Variants in SKA2 observed in about 807,000 individuals in gnomAD.
The protein encoded by SKA2 is spindle and kinetochore-associated protein 2.
A neutral mutation model predicts 16.9 loss-of-function variants in SKA2; 13 were observed. That is an observed-to-expected ratio of 0.77 (90% CI 0.50 to 1.22). The LOEUF (loss-of-function observed/expected upper bound fraction) is 1.22, where lower values mean the gene tolerates loss of function less well. SKA2 is among the 50% of genes most tolerant of loss of function. The pLI is 0.00. For synonymous variants in SKA2, 47 were observed against 48.5 expected, an observed-to-expected ratio of 0.97 and a Z score of 0.13; for missense variants, 107 against 139.7, an observed-to-expected ratio of 0.77 and a Z score of 1.18.
rs2046319404 is a variant in SKA2, at chr17:59,119,569, C to A, written c.121-74G>T. On this transcript the variant is annotated intron_variant, in intron 2 of 3. Coordinates refer to ENST00000330137, the MANE Select transcript of SKA2 (RefSeq NM_182620.4). ...TTTTTAAGAATTAAAATACTGTATA[C>A]ATACAACACATTCTACCATCCATTT... is the stretch of plus-strand genomic sequence containing the variant. 9 of 1,277,172 alleles carry A rather than the reference C, an allele frequency of 7.0e-6. 1 individual carries two copies. The highest frequency in any genetic ancestry group is 2.2e-4 in the Middle Eastern group (1 of 4,550). 79.1% of individuals were successfully genotyped at this position (1,277,172 alleles called of 1,614,324 possible).
At chr17:59,151,965 G>C (rs1392257307) in intron 1 of SKA2, among the ~76,000 whole-genome samples, 1 of 152,140 alleles carries the variant, frequency 6.6e-6, no homozygotes, top group East Asian at 1.9e-4. Flanking sequence ...ATGTCAAAGA[G>C]AAAATAATGA....
chr17:59,134,075 T>A (rs1050460552), intron 1 of SKA2, among the ~76,000 whole-genome samples: 11 of 152,234 alleles, frequency 7.2e-5, no homozygotes, highest in African/African-American at 2.7e-4. Flanking sequence ...ATACTAATGT[T>A]TGTGTCTGTG....
At chr17:59,132,494 T>TA (rs2046418294) in intron 1 of SKA2, among the ~76,000 whole-genome samples, 3 of 152,268 alleles carry the variant, frequency 2.0e-5, no homozygotes, top group Admixed American at 2.0e-4. Context: ...CAAAACCCCA[T>TA]CTCTACTAAA....
chr17:59,149,698 ATAC>A (rs2046562375), intron 1 of SKA2, among the ~76,000 whole-genome samples: 1 of 152,218 alleles, frequency 6.6e-6, no homozygotes, highest in African/African-American at 2.4e-5. Context: ...TATACAATGA[ATAC>A]TACTCAGCAA....
intron 3 of SKA2, among the ~76,000 whole-genome samples, chr17:59,114,679 A>G (rs1375937354): frequency 1.3e-5 from 2 of 152,234 alleles, no homozygotes; most frequent in African/African-American, 4.8e-5. Context: ...GGCCAATAGC[A>G]TCCACCAAAA....
At chr17:59,119,267 A>T in intron 3 of SKA2, 52 bp downstream of exon 3, 1 of 1,573,488 alleles carries the variant, frequency 6.4e-7, no homozygotes, top group Non-Finnish European at 8.6e-7. Context: ...TTTTCAAAGC[A>T]ACACTCAGAG....
In SKA2 at chr17:59,111,919, C is replaced by T; in HGVS notation, c.*358G>A. On this transcript the variant is annotated 3_prime_UTR_variant, in exon 4 of 4. Transcript: ENST00000330137. ...AATGACTGAAATGTACATAAACATT[C>T]TTTTATGATAGACCAGAACATCTAT... is the stretch of plus-strand genomic sequence containing the variant. The T allele has an allele frequency of 5.2e-6, 1 of 192,970 alleles. No homozygotes were observed. The highest frequency in any genetic ancestry group is 1.1e-5 in the Non-Finnish European group (1 of 88,732). 12.0% of individuals were successfully genotyped at this position (192,970 alleles called of 1,614,324 possible).
rs1443366889 is a variant in SKA2 at position 59,131,306 on chromosome 17, G to C, written c.95C>G (p.Thr32Ser). The C allele has an allele frequency of 3.8e-6, 6 of 1,582,080 alleles. No homozygotes were observed. The Admixed American group carries it at 1.1e-4, about 28-fold the overall frequency. Residue 32 changes from threonine to serine, a missense_variant, in exon 2 of 4, where the codon ACT becomes AGT. Thr to Ser is a moderately conservative substitution (Grantham distance 58). Transcript: ENST00000330137. ...CTCACTTGCTGAATCAGGATGATTA[G>C]TCTTGATTTCATATTCCAGCCTGTA... The part of the protein sequence containing the change: ...IQYRLEYEIK[T>S]NHPDSASEKN...
intron 1 of SKA2, among the ~76,000 whole-genome samples, chr17:59,143,011 C>A (rs2046504289): frequency 6.8e-6 from 1 of 147,200 alleles, no homozygotes; most frequent in South Asian, 2.2e-4. Flanking sequence ...GAAATCAAAA[C>A]AATCCTCCTG....
At chr17:59,137,051 T>G (rs926450794) in intron 1 of SKA2, among the ~76,000 whole-genome samples, 1 of 152,118 alleles carries the variant, frequency 6.6e-6, no homozygotes, top group East Asian at 1.9e-4. Context: ...CTTGCTTTGT[T>G]GCCCAGGCGA....
At chr17:59,146,855 G>A (rs2046536030) in intron 1 of SKA2, among the ~76,000 whole-genome samples, 1 of 152,170 alleles carries the variant, frequency 6.6e-6, no homozygotes, top group Non-Finnish European at 1.5e-5. Context: ...ATTTTTAGTA[G>A]AGACGAGGTC....
At chr17:59,118,292 C>T (rs2046310332) in intron 3 of SKA2, 1 of 152,170 alleles carries the variant, frequency 6.6e-6, no homozygotes, top group African/African-American at 2.4e-5. Flanking sequence ...TCCTCTATTA[C>T]TATATAACTA....
chr17:59,145,169 T>C (rs1049741507), intron 1 of SKA2, among the ~76,000 whole-genome samples: 1 of 152,192 alleles, frequency 6.6e-6, no homozygotes, highest in African/African-American at 2.4e-5. Flanking sequence ...ACATTATGAA[T>C]GTATTTAATA....
chr17:59,127,380 C>G (rs1336947023), intron 2 of SKA2, among the ~76,000 whole-genome samples: 2 of 152,032 alleles, frequency 1.3e-5, no homozygotes, highest in African/African-American at 4.8e-5. Context: ...TTACATTTTA[C>G]TACAATTTCT....
Position 59,110,033 on chromosome 17 carries a change from C to T in SKA2, c.*2244G>A, listed in dbSNP as rs1244526786. 6.6e-6 allele frequency: 1 copy of T among 152,082 alleles called. No homozygotes were observed. Among genetic ancestry groups the T allele is most frequent in the Admixed American group, 6.6e-5 (1 of 15,260 alleles). The allele number at this position is 152,082 out of a possible 1,614,324, so 9.4% of individuals were successfully genotyped here. On this transcript the variant is annotated 3_prime_UTR_variant, in exon 4 of 4. Transcript: ENST00000330137. ...TTATACAGGTTTTAATTCCAGACAA[C>T]AGAATAGTGGCTATTAACAATAAAA...
chr17:59,115,488 A>G (rs1424139567), intron 3 of SKA2, among the ~76,000 whole-genome samples: 2 of 152,226 alleles, frequency 1.3e-5, no homozygotes, highest in East Asian at 1.9e-4. Context: ...CATGTTCACA[A>G]GGATAAACTG....
At chr17:59,114,257 T>A (rs1017020169) in intron 3 of SKA2, among the ~76,000 whole-genome samples, 1 of 152,196 alleles carries the variant, frequency 6.6e-6, no homozygotes, top group African/African-American at 2.4e-5. Flanking sequence ...GGCACATCGC[T>A]ATGAGGGACA....
At chr17:59,126,094 C>G (rs1004494740) in intron 2 of SKA2, among the ~76,000 whole-genome samples, 1 of 151,696 alleles carries the variant, frequency 6.6e-6, no homozygotes, top group African/African-American at 2.4e-5. Context: ...TGGCGTGAAC[C>G]CGGGAGGCGG....
chr17:59,150,667 G>A (rs1450169864), intron 1 of SKA2, among the ~76,000 whole-genome samples: 1 of 152,066 alleles, frequency 6.6e-6, no homozygotes, highest in Non-Finnish European at 1.5e-5. Context: ...ATCTAAGCCC[G>A]GGAGTACAAG....
Sources: gnomAD v4.1 joint callset for allele counts (sites outside exome capture counted in the v4.1 genomes callset) on GRCh38, gnomAD v4.1.1 for gene constraint, MANE v1.5 for transcripts, NCBI Gene and HGNC (gene_info 2026-07-23, HGNC 2026-07-21) for gene names.